BRPF3: variants seen among roughly 807,000 people sequenced by gnomAD.
BRPF3 encodes the protein bromodomain and PHD finger containing 3, also known as bromodomain and PHD finger-containing protein 3.
Under a neutral mutation model 102.0 loss-of-function variants are expected in BRPF3, and 18 were observed. The ratio of observed to expected loss-of-function variants is 0.18; its 90% CI spans 0.12 to 0.26. The LOEUF (loss-of-function observed/expected upper bound fraction) is 0.26, where lower values mean the gene tolerates loss of function less well. Among genes scored for constraint, BRPF3 ranks in the 10% least tolerant of loss-of-function variants. The pLI is 1.00. For missense variants in BRPF3, 1,147 were observed against 1,567.8 expected (o/e 0.73, Z 4.53); for synonymous variants, 570 against 614.2 (o/e 0.93, Z 1.06).
chr6:36,214,113 A>G lies in BRPF3; in HGVS notation c.2716A>G (p.Arg906Gly). The G allele has an allele frequency of 6.2e-7, 1 of 1,614,214 alleles. No homozygotes were observed. The highest frequency in any genetic ancestry group is 1.7e-5 in the Admixed American group (1 of 60,026). Residue 906 changes from arginine (R) to glycine (G), a missense_variant, in exon 8 of 13, where the codon AGA (arginine) becomes GGA (glycine). By Grantham distance (125) the Arg-to-Gly change is moderately radical. Transcript: ENST00000357641. The part of the protein sequence containing the change: ...QRLLSDNGIN[R>G]LSLMAPDTPA... ...CTTGCTCAGTGACAATGGCATCAAC[A>G]GACTATCCCTCATGGCCCCTGACAC...
chr6:36,197,381 C>T (rs1388478702), intron 1 of BRPF3: 1 of 152,464 alleles, frequency 6.6e-6, no homozygotes, highest in Non-Finnish European at 1.5e-5. Flanking sequence ...CGCTCGCTTT[C>T]TCTGTCTGAG....
rs943394591 is a variant in BRPF3 at position 36,231,919 on chromosome 6, G to T, written c.*1310G>T. The T allele has an allele frequency of 6.6e-6, 1 of 152,622 alleles. No homozygotes were observed. Among genetic ancestry groups the T allele is most frequent in the African/African-American group, 2.4e-5 (1 of 41,452 alleles). 9.5% of individuals were successfully genotyped at this position (152,622 alleles called of 1,614,324 possible). A position where few individuals can be genotyped will look rare whatever the true frequency, so the allele number is the denominator to read the frequency against. On this transcript the variant is annotated 3_prime_UTR_variant, in exon 13 of 13. Coordinates refer to ENST00000357641, the MANE Select transcript of BRPF3 (RefSeq NM_015695.3). ...TTTTCACCTCCTGAGCACCAAAGTC[G>T]CAGGGCCAGTTGCAGGCCGCTGATT...
At chr6:36,198,197 C>A (rs1767573942) in intron 1 of BRPF3, among the ~76,000 whole-genome samples, 1 of 152,210 alleles carries the variant, frequency 6.6e-6, no homozygotes, top group South Asian at 2.1e-4. Flanking sequence ...CCGCCTGGCA[C>A]TGCTCCTCAG....
intron 8 of BRPF3, among the ~76,000 whole-genome samples, chr6:36,214,938 G>C (rs2127289868): frequency 6.6e-6 from 1 of 152,162 alleles, no homozygotes; most frequent in African/African-American, 2.4e-5. Context: ...TGTATGTCTA[G>C]GGGAAGAACA....
intron 9 of BRPF3, 91 bp from the exon 10 acceptor site, chr6:36,222,077 C>T (rs761509268): frequency 1.5e-5 from 19 of 1,298,782 alleles, no homozygotes; most frequent in Non-Finnish European, 2.1e-5. Flanking sequence ...CAGCTCCACT[C>T]CTGTCAGAGA....
rs1767718887 is a variant in BRPF3 at position 36,201,872 on chromosome 6, C to T, written c.1448+102C>T. On this transcript the variant is annotated intron_variant, in intron 2 of 12. Transcript: ENST00000357641. The surrounding 1 kb of genome is among the most constrained non-coding windows in gnomAD (Gnocchi z 5.1). ...GCTAAACACAGTTGGACACTATATC[C>T]TCCTCCCCGAATTTAAACTCTTCCT... 2.7e-6 allele frequency: 4 copies of T among 1,463,110 alleles called. No individual in the cohort carries two copies. In the African/African-American group the frequency reaches 5.7e-5, roughly 21 times the overall value. 90.6% of individuals were successfully genotyped at this position (1,463,110 alleles called of 1,614,324 possible).
chr6:36,220,950 A>T (rs938214222), intron 9 of BRPF3, among the ~76,000 whole-genome samples: 1 of 152,138 alleles, frequency 6.6e-6, no homozygotes, highest in Non-Finnish European at 1.5e-5. Context: ...TTATCCCACT[A>T]GGGGTTTCTT....
At chr6:36,207,248 C>T in intron 3 of BRPF3, 65 bp from the exon 4 acceptor site, 2 of 1,581,232 alleles carry the variant, frequency 1.3e-6, no homozygotes, top group Non-Finnish European at 1.7e-6. Flanking sequence ...CCCCGTGAGG[C>T]TTGAACAGGG....
chr6:36,226,600 C>G (rs1001528369), intron 11 of BRPF3, among the ~76,000 whole-genome samples: 3 of 152,130 alleles, frequency 2.0e-5, no homozygotes, highest in Non-Finnish European at 4.4e-5. Context: ...ACCACCCCAC[C>G]AGCCTCTTAC....
intron 9 of BRPF3, among the ~76,000 whole-genome samples, chr6:36,218,313 G>A (rs889462885): frequency 6.6e-6 from 1 of 152,108 alleles, no homozygotes; most frequent in Non-Finnish European, 1.5e-5. Context: ...TAACATTTGA[G>A]CCAAAGTCCC....
Position 36,209,813 on chromosome 6 carries a change from G to T in BRPF3, c.1764G>T (p.Glu588Asp). ...TCAAAGTCCAGCAGGCTGCCATGGAGCTGGAGCTGATGCCATTCAATGTTC... is the reference window on the plus strand; with the variant it reads ...TCAAAGTCCAGCAGGCTGCCATGGATCTGGAGCTGATGCCATTCAATGTTC... ...EQVKVQQAAM[E>D]LELMPFNVLL... The change falls in exon 5 of 13, where the codon GAG (glutamate) becomes GAT (aspartate). Residue 588 changes from glutamate to aspartate, a missense_variant. Coordinates refer to ENST00000357641, the MANE Select transcript of BRPF3 (RefSeq NM_015695.3). 1 of 1,614,208 alleles carries T rather than the reference G, an allele frequency of 6.2e-7. No individual in the cohort carries two copies.
chr6:36,213,027 C>A (rs556619742), intron 7 of BRPF3, among the ~76,000 whole-genome samples: 1 of 152,008 alleles, frequency 6.6e-6, no homozygotes, highest in African/African-American at 2.4e-5. Flanking sequence ...ATTTAACTTA[C>A]TTGGTCTCGT....
At chr6:36,198,688 A>T (rs928883423) in intron 1 of BRPF3, among the ~76,000 whole-genome samples, 4 of 152,220 alleles carry the variant, frequency 2.6e-5, no homozygotes, top group African/African-American at 7.2e-5. Flanking sequence ...AGACCCTGCA[A>T]CCAAGGCGAT....
chr6:36,207,352 C>T lies in BRPF3; in HGVS notation c.1645C>T (p.Leu549=). 6.2e-7 allele frequency: 1 copy of T among 1,614,084 alleles called. No homozygotes were observed. Among genetic ancestry groups the T allele is most frequent in the East Asian group, 2.2e-5 (1 of 44,874 alleles). The change falls in exon 4 of 13, where the codon CTG becomes TTG. Residue 549 remains leucine (L), a synonymous_variant. Transcript: ENST00000357641. ...DEKTSAVKEE[L]KYWQKLRHDL... Reference sequence around the variant, plus strand: ...GAAGACAAGTGCAGTGAAGGAGGAGCTGAAGTATTGGCAGAAGCTCCGGCA... The same window carrying T: ...GAAGACAAGTGCAGTGAAGGAGGAGTTGAAGTATTGGCAGAAGCTCCGGCA...
At chr6:36,225,765 T>A (rs1002019465) in intron 11 of BRPF3, among the ~76,000 whole-genome samples, 2 of 152,286 alleles carry the variant, frequency 1.3e-5, no homozygotes, top group African/African-American at 2.4e-5. Context: ...TGATTTGTGG[T>A]CATTCAGCTA....
At chr6:36,203,713 A>G (rs1028487617) in intron 2 of BRPF3, among the ~76,000 whole-genome samples, 1 of 152,212 alleles carries the variant, frequency 6.6e-6, no homozygotes, top group African/African-American at 2.4e-5. Flanking sequence ...ATGAAGAGAA[A>G]AAGGAGAGGA....
In BRPF3 at chr6:36,200,361, G is replaced by C. The variant is rs1454811028; in HGVS notation, c.39G>C (p.Glu13Asp). 6.2e-7 allele frequency: 1 copy of C among 1,614,196 alleles called. No individual in the cohort carries two copies. The highest frequency in any genetic ancestry group is 2.2e-5 in the East Asian group (1 of 44,884). The change falls in exon 2 of 13, where the codon GAG becomes GAC. Residue 13 changes from glutamate (E) to aspartate (D), a missense_variant. Physicochemically the swap from Glu to Asp is conservative, Grantham distance 45 (BLOSUM62 2). This residue lies in a region of BRPF3 where 38 missense variants were observed against 34.3 expected (regional missense o/e 1.11). Coordinates refer to ENST00000357641, the MANE Select transcript of BRPF3 (RefSeq NM_015695.3). This position sits in a 1 kb window ranked among gnomAD's most constrained non-coding sequence, Gnocchi z 5.3. ...GTCGGAAGTCCCGGCAGAATGCCGA[G>C]GGCCGGCGTTCCCCGTCCCCCTACA... is the stretch of plus-strand genomic sequence containing the variant. Reference protein sequence around the residue: ...KPRRKSRQNAEGRRSPSPYSL... With the variant: ...KPRRKSRQNADGRRSPSPYSL...
At position 36,214,228 on chromosome 6, in the gene BRPF3, C is replaced by T. The variant is rs1216940822; in HGVS notation, c.2831C>T (p.Pro944Leu). Residue 944 changes from proline to leucine, a missense_variant, in exon 8 of 13, where the codon CCA becomes CTA. Pro to Leu is a moderately conservative substitution (Grantham distance 98). Around this residue, in one of 11 missense-constraint regions of BRPF3, gnomAD observed 379 missense variants for 426.3 expected, o/e 0.89. Transcript: ENST00000357641. ...AKNGVKLQRS[P>L]DRVLENGEDH... ...AATGGGGTTAAGCTACAGAGAAGCC[C>T]AGACAGGGTCCTGGAGAATGGCGAG... 6.2e-7 allele frequency: 1 copy of T among 1,614,178 alleles called. No homozygotes were observed. Among genetic ancestry groups the T allele is most frequent in the Non-Finnish European group, 8.5e-7 (1 of 1,180,014 alleles).
Position 36,201,922 on chromosome 6 carries a change from G to A in BRPF3, c.1448+152G>A, listed in dbSNP as rs1163457441. 2.5e-6 allele frequency: 3 copies of A among 1,203,544 alleles called. No homozygotes were observed. The highest frequency in any genetic ancestry group is 2.6e-5 in the East Asian group (1 of 38,260). 74.6% of individuals were successfully genotyped at this position (1,203,544 alleles called of 1,614,324 possible). Reference sequence around the variant, plus strand: ...TTTTGACCCCAGGCTCACCTGGCCTGGTTTGTGGTTTTGATTTTGCCCTCA... The same window carrying A: ...TTTTGACCCCAGGCTCACCTGGCCTAGTTTGTGGTTTTGATTTTGCCCTCA... On this transcript the variant is annotated intron_variant, in intron 2 of 12. Transcript: ENST00000357641. The surrounding 1 kb of genome is among the most constrained non-coding windows in gnomAD (Gnocchi z 5.1).
Sources: gnomAD v4.1 joint callset for allele counts (sites outside exome capture counted in the v4.1 genomes callset) on GRCh38, gnomAD v4.1.1 for gene constraint, gnomAD v4.1.1 regional missense constraint, Gnocchi (gnomAD v3.1) non-coding constraint, MANE v1.5 for transcripts, NCBI Gene and HGNC (gene_info 2026-07-23, HGNC 2026-07-21) for gene names.